The following HAO1 variants were observed in gnomAD, a reference collection of about 807,000 sequenced individuals.
HAO1 encodes the protein hydroxyacid oxidase 1, also known as 2-Hydroxyacid oxidase 1.
A neutral mutation model predicts 39.7 loss-of-function variants in HAO1; 34 were observed. The ratio of observed to expected loss-of-function variants is 0.86; its 90% CI spans 0.65 to 1.14. The LOEUF (loss-of-function observed/expected upper bound fraction) is 1.14. Ranked by LOEUF, HAO1 falls within the 50% of genes most tolerant of loss-of-function variation. The pLI is 0.00. For synonymous variants in HAO1, 172 were observed against 173.2 expected, an observed-to-expected ratio of 0.99 and a Z score of 0.05; for missense variants, 479 against 464.5, an observed-to-expected ratio of 1.03 and a Z score of -0.29.
intron 5 of HAO1, 41 bp downstream of exon 5, chr20:7,895,092 G>T: frequency 8.3e-7 from 1 of 1,207,014 alleles, no homozygotes; most frequent in Non-Finnish European, 1.2e-6. Context: ...TGATGGAAAT[G>T]GGAACTCCAA....
chr20:7,923,143 G>C (rs1379885624), intron 2 of HAO1, among the ~76,000 whole-genome samples: 1 of 152,104 alleles, frequency 6.6e-6, no homozygotes, highest in East Asian at 1.9e-4. Flanking sequence ...ATCAATGGCT[G>C]AGATTTAAAA....
At chr20:7,901,711 T>C (rs535916158) in intron 4 of HAO1, among the ~76,000 whole-genome samples, 49 of 152,326 alleles carry the variant, frequency 3.2e-4, no homozygotes, top group Middle Eastern at 6.8e-3. Context: ...TTAAGAAATA[T>C]ATTTAATAAC....
At chr20:7,913,414 G>A (rs2423328) in intron 3 of HAO1, among the ~76,000 whole-genome samples, 74,148 of 151,936 alleles carry the variant, frequency 0.49, 20,863 homozygotes, top group East Asian at 0.99. Flanking sequence ...GGTGGAAACT[G>A]AAGGAAGGAA....
Position 7,906,238 on chromosome 20 carries a change from T to C in HAO1, c.637A>G (p.Ile213Val). 1.9e-6 allele frequency: 3 copies of C among 1,612,026 alleles called. No individual in the cohort carries two copies. The highest frequency in any genetic ancestry group is 2.2e-5 in the East Asian group (1 of 44,818). The stretch of plus-strand genomic sequence containing the variant: ...TCTTCCCAGCTGATAGATGGGTCTA[T>C]TGCTTTAGCCACATATGCAGCAAGT... Reference protein sequence around the residue: ...SGLAAYVAKAIDPSISWEDIK... With the variant: ...SGLAAYVAKAVDPSISWEDIK... The change falls in exon 4 of 8, where the codon ATA (isoleucine) becomes GTA (valine). Residue 213 changes from isoleucine to valine, a missense_variant. Coordinates refer to ENST00000378789, the MANE Select transcript of HAO1 (RefSeq NM_017545.3).
At position 7,883,636 on chromosome 20, in the gene HAO1, T is replaced by A. The variant is rs764159433; in HGVS notation, c.1070A>T (p.Lys357Met). 6.2e-7 allele frequency: 1 copy of A among 1,612,960 alleles called. No individual in the cohort carries two copies. Among genetic ancestry groups the A allele is most frequent in the South Asian group, 1.1e-5 (1 of 91,056 alleles). ...CAAAGGATTTTTCCTCACCAATGTC[T>A]TGTCGATGACTTTCACATTCTGGCA... Reference protein sequence around the residue: ...SGCQNVKVIDKTLVRKNPLAV... With the variant: ...SGCQNVKVIDMTLVRKNPLAV... The change falls in exon 8 of 8, where the codon AAG becomes ATG. Residue 357 changes from lysine to methionine, a missense_variant. By Grantham distance (95) the Lys-to-Met change is moderately conservative. Transcript: ENST00000378789.
At chr20:7,921,544 G>T (rs1353043001) in intron 2 of HAO1, among the ~76,000 whole-genome samples, 6 of 152,118 alleles carry the variant, frequency 3.9e-5, no homozygotes, top group African/African-American at 9.7e-5. Flanking sequence ...GAGCAGTTTG[G>T]AGATTTCTCA....
intron 2 of HAO1, among the ~76,000 whole-genome samples, chr20:7,918,505 C>T (rs896658635): frequency 2.0e-5 from 3 of 152,288 alleles, no homozygotes; most frequent in African/African-American, 7.2e-5. Flanking sequence ...CCCCAGCCCC[C>T]GAGTCTCTTC....
Position 7,933,045 on chromosome 20 carries a change from A to G in HAO1, c.289+1439T>C, listed in dbSNP as rs151056279. On this transcript the variant is annotated intron_variant, in intron 2 of 7. Coordinates refer to ENST00000378789, the MANE Select transcript of HAO1 (RefSeq NM_017545.3). ...ATTCGATATACGGAAAATAAAATAG[A>G]TGGTCATAATTTCCATGTCTTTGCT... Among the ~76,000 whole-genome samples, 608 of 152,278 alleles carry G rather than the reference A, an allele frequency of 4.0e-3. 5 individuals carry two copies. The highest frequency in any genetic ancestry group is 0.014 in the Middle Eastern group (4 of 294).
In HAO1 at chr20:7,933,097, A is replaced by G. The variant is rs375552366; in HGVS notation, c.289+1387T>C. On this transcript the variant is annotated intron_variant, in intron 2 of 7. Coordinates refer to ENST00000378789, the MANE Select transcript of HAO1 (RefSeq NM_017545.3). The stretch of plus-strand genomic sequence containing the variant: ...ATTAATGAAATTGAATATTTTTCAT[A>G]TGTTTATTGGTCACTTTTATGTCTC... Among the ~76,000 whole-genome samples the G allele has an allele frequency of 2.0e-5, 3 of 152,276 alleles. No homozygotes were observed. In the East Asian group the frequency reaches 5.8e-4, roughly 29 times the overall value.
chr20:7,903,863 G>A (rs2122765752), intron 4 of HAO1, among the ~76,000 whole-genome samples: 2 of 127,164 alleles, frequency 1.6e-5, no homozygotes, highest in South Asian at 4.6e-4. Flanking sequence ...GGTAGCGGTG[G>A]TGGTGGTGGT....
chr20:7,927,447 T>A (rs1398375092), intron 2 of HAO1, among the ~76,000 whole-genome samples: 3 of 152,184 alleles, frequency 2.0e-5, no homozygotes, highest in Non-Finnish European at 4.4e-5. Context: ...GAGGCACTTA[T>A]AAAACAGCTT....
intron 4 of HAO1, among the ~76,000 whole-genome samples, chr20:7,898,615 T>C (rs559359283): frequency 1.4e-4 from 21 of 152,306 alleles, no homozygotes; most frequent in African/African-American, 4.8e-4. Flanking sequence ...CTTTCTGTGA[T>C]AATAAAAATG....
At chr20:7,887,454 G>A (rs2050155789) in intron 5 of HAO1, among the ~76,000 whole-genome samples, 1 of 152,122 alleles carries the variant, frequency 6.6e-6, no homozygotes, top group African/African-American at 2.4e-5. Context: ...GTAACACTTG[G>A]CATGTGGTCC....
At chr20:7,898,734 T>G (rs2122760088) in intron 4 of HAO1, among the ~76,000 whole-genome samples, 1 of 152,308 alleles carries the variant, frequency 6.6e-6, no homozygotes, top group East Asian at 1.9e-4. Flanking sequence ...CTATTTCATT[T>G]TAATTAACTT....
Position 7,907,980 on chromosome 20 carries a change from CT to C in HAO1, c.546-1652del, listed in dbSNP as rs1232407526. Among the ~76,000 whole-genome samples, 3 of 152,088 alleles carry C rather than the reference CT, an allele frequency of 2.0e-5. No individual in the cohort carries two copies. The East Asian group carries it at 5.8e-4, about 29-fold the overall frequency. ...TTAATTCCCCTGCCAGTCAATCTCC[CT>C]TTTTTTGGTCAAAGTATAGTTGTAT... On this transcript the variant is annotated intron_variant, in intron 3 of 7. Coordinates refer to ENST00000378789, the MANE Select transcript of HAO1 (RefSeq NM_017545.3).
At chr20:7,914,523 CAA>C (rs2050297467) in intron 2 of HAO1, 104 bp from the exon 3 acceptor site, 1 of 1,227,214 alleles carries the variant, frequency 8.1e-7, no homozygotes, top group Admixed American at 2.3e-5. Flanking sequence ...GGCAATTTGG[CAA>C]TATGAAGTCA....
At chr20:7,921,397 A>G (rs967868158) in intron 2 of HAO1, among the ~76,000 whole-genome samples, 1 of 152,178 alleles carries the variant, frequency 6.6e-6, no homozygotes, top group African/African-American at 2.4e-5. Context: ...AATCAAAACC[A>G]CAATGATATA....
rs181069566 is a variant in HAO1 at position 7,926,932 on chromosome 20, G to A, written c.289+7552C>T. Among the ~76,000 whole-genome samples the A allele has an allele frequency of 2.9e-4, 44 of 151,968 alleles. No individual in the cohort carries two copies. The East Asian group carries it at 8.3e-3, about 29-fold the overall frequency. ...GAACATTCCTGGAACGCATTAGGTAGGTTTTAATTTTTCTTGATATGAGGT... is the reference window on the plus strand; with the variant it reads ...GAACATTCCTGGAACGCATTAGGTAAGTTTTAATTTTTCTTGATATGAGGT... On this transcript the variant is annotated intron_variant, in intron 2 of 7. Transcript: ENST00000378789.
intron 2 of HAO1, among the ~76,000 whole-genome samples, chr20:7,929,163 G>A (rs1417074263): frequency 2.0e-5 from 3 of 151,740 alleles, no homozygotes; most frequent in African/African-American, 4.8e-5. Flanking sequence ...TTTTTTCCCT[G>A]AGGTTTCTGC....
Sources: allele counts gnomAD v4.1 joint callset (sites outside exome capture counted in the v4.1 genomes callset), GRCh38; gene constraint gnomAD v4.1.1; transcripts MANE v1.5; gene names NCBI Gene and HGNC (gene_info 2026-07-23, HGNC 2026-07-21).